Variants in SULF1 observed in about 807,000 individuals in gnomAD.
SULF1 encodes extracellular sulfatase Sulf-1.
Under a neutral mutation model 110.5 loss-of-function variants are expected in SULF1, and 46 were observed. The ratio of observed to expected loss-of-function variants is 0.42; its 90% CI spans 0.33 to 0.53. The LOEUF is 0.53. Ranked by LOEUF, SULF1 falls within the 20% of genes least tolerant of loss-of-function variation. SULF1 has a pLI of 0.12. For missense variants in SULF1, 941 were observed against 1,094.2 expected, an observed-to-expected ratio of 0.86 and a Z score of 1.98; for synonymous variants, 371 against 387.1, an observed-to-expected ratio of 0.96 and a Z score of 0.49.
intron 6 of SULF1, among the ~76,000 whole-genome samples, chr8:69,578,296 G>A (rs1052793810): frequency 6.6e-6 from 1 of 152,070 alleles, no homozygotes; most frequent in Admixed American, 6.5e-5. Flanking sequence ...ACACCCACAA[G>A]AATAAAGTGA....
At chr8:69,537,843 A>G (rs1379397037) in intron 3 of SULF1, among the ~76,000 whole-genome samples, 1 of 152,156 alleles carries the variant, frequency 6.6e-6, no homozygotes, top group East Asian at 1.9e-4. Context: ...CTGTCTTTTC[A>G]GGGCCCTTTT....
At chr8:69,473,916 T>C (rs1217360390) in intron 1 of SULF1, among the ~76,000 whole-genome samples, 1 of 152,210 alleles carries the variant, frequency 6.6e-6, no homozygotes, top group East Asian at 1.9e-4. Context: ...ATGCAACTTT[T>C]TCCACTTCAT....
At chr8:69,509,379 A>T (rs529121055) in intron 3 of SULF1, among the ~76,000 whole-genome samples, 2 of 152,374 alleles carry the variant, frequency 1.3e-5, no homozygotes, top group East Asian at 3.9e-4. Flanking sequence ...CTATGTATTC[A>T]GTGCATTAAA....
chr8:69,610,766 A>G (rs1808585476), intron 13 of SULF1, among the ~76,000 whole-genome samples: 1 of 152,228 alleles, frequency 6.6e-6, no homozygotes, highest in Admixed American at 6.5e-5. Context: ...CTTAATTTGT[A>G]CTGTGTCTTC....
At chr8:69,529,413 A>G (rs577457795) in intron 3 of SULF1, among the ~76,000 whole-genome samples, 1 of 152,284 alleles carries the variant, frequency 6.6e-6, no homozygotes, top group South Asian at 2.1e-4. Context: ...ACTGAATCGC[A>G]CCTTCAGTTG....
chr8:69,617,998 T>A (rs906160821), intron 13 of SULF1, among the ~76,000 whole-genome samples: 2 of 152,310 alleles, frequency 1.3e-5, no homozygotes, highest in Non-Finnish European at 2.9e-5. Flanking sequence ...GCCTTCCCCA[T>A]GGAATCCAGC....
chr8:69,657,484 T>G (rs1485187265), intron 22 of SULF1, among the ~76,000 whole-genome samples: 1 of 152,228 alleles, frequency 6.6e-6, no homozygotes, highest in Admixed American at 6.5e-5. Context: ...AAGATTGACG[T>G]TCTTTCCACC....
intron 3 of SULF1, among the ~76,000 whole-genome samples, chr8:69,508,922 G>A (rs1057051138): frequency 5.9e-5 from 9 of 152,080 alleles, no homozygotes; most frequent in African/African-American, 1.9e-4. Flanking sequence ...CTCTCTTCAT[G>A]GTAAGTAGCC....
intron 3 of SULF1, among the ~76,000 whole-genome samples, chr8:69,550,862 A>G (rs1002545299): frequency 6.6e-6 from 1 of 152,162 alleles, no homozygotes; most frequent in African/African-American, 2.4e-5. Context: ...CCCATGATTC[A>G]TGCCCCACTT....
At chr8:69,565,076 T>C (rs374324573) in intron 5 of SULF1, among the ~76,000 whole-genome samples, 4 of 152,230 alleles carry the variant, frequency 2.6e-5, no homozygotes, top group African/African-American at 9.6e-5. Flanking sequence ...TGGCACTTGG[T>C]CTCCATGGAA....
In SULF1 at chr8:69,516,022, C is replaced by T. The variant is rs1811897890; in HGVS notation, c.-134+14054C>T. On this transcript the variant is annotated intron_variant, in intron 3 of 22. Transcript: ENST00000402687. ...AAGTCTCCAGGAAGTTCCAAACTTT[C>T]ACTAATTTTCCTGTCTTCTTCTGAT... Among the ~76,000 whole-genome samples the T allele has an allele frequency of 3.9e-5, 6 of 152,192 alleles. No individual in the cohort carries two copies. In the South Asian group the frequency reaches 1.2e-3, roughly 32 times the overall value.
At chr8:69,534,270 T>C (rs1813290890) in intron 3 of SULF1, among the ~76,000 whole-genome samples, 3 of 152,244 alleles carry the variant, frequency 2.0e-5, no homozygotes, top group African/African-American at 7.2e-5. Flanking sequence ...CATTTACAAA[T>C]AATTTGTTTA....
intron 3 of SULF1, among the ~76,000 whole-genome samples, chr8:69,519,012 T>C (rs1435502650): frequency 6.6e-6 from 1 of 152,202 alleles, no homozygotes; most frequent in African/African-American, 2.4e-5. Context: ...GTCTAGAAAG[T>C]GTCTCTAGTG....
At chr8:69,585,164 T>TACAC (rs1586473799) in intron 6 of SULF1, among the ~76,000 whole-genome samples, 2 of 152,094 alleles carry the variant, frequency 1.3e-5, no homozygotes, top group African/African-American at 4.8e-5. Context: ...TGTGTGTGTG[T>TACAC]ACACACACAT....
rs115497021 is a variant in SULF1 at position 69,506,652 on chromosome 8, G to C, written c.-134+4684G>C. On this transcript the variant is annotated intron_variant, in intron 3 of 22. Coordinates refer to ENST00000402687, the MANE Select transcript of SULF1 (RefSeq NM_001128205.2). ...GTATGCTTCGGCTGCCAGTAAAATT[G>C]TGCTTTGCCTGATAATGGTGAGGAA... 4.7e-4 allele frequency among the ~76,000 whole-genome samples: 72 copies of C among 152,274 alleles called. 1 individual carries two copies. Among genetic ancestry groups the C allele is most frequent in the African/African-American group, 1.7e-3 (70 of 41,552 alleles).
intron 3 of SULF1, among the ~76,000 whole-genome samples, chr8:69,535,771 C>T (rs1385011737): frequency 6.6e-6 from 1 of 152,122 alleles, no homozygotes; most frequent in Non-Finnish European, 1.5e-5. Flanking sequence ...ATGGTTCACG[C>T]CTGTAATCCC....
At chr8:69,605,937 G>C (rs1808190188) in intron 13 of SULF1, among the ~76,000 whole-genome samples, 1 of 152,286 alleles carries the variant, frequency 6.6e-6, no homozygotes, top group South Asian at 2.1e-4. Context: ...CAGGCCACTT[G>C]CTGCCTTCCA....
chr8:69,589,667 A>ATT lies in SULF1; in HGVS notation c.734+538_734+539dup, dbSNP rs369746716. Among the ~76,000 whole-genome samples, 11 of 147,338 alleles carry ATT rather than the reference A, an allele frequency of 7.5e-5. 1 individual carries two copies. The South Asian group carries it at 1.3e-3, about 17-fold the overall frequency. ...CAGGTCACAGCTTTAAAATAACCTG[A>ATT]TTTTTTTTTTTTTAAAGAGGCAGGA... On this transcript the variant is annotated intron_variant, in intron 8 of 22. Transcript: ENST00000402687.
chr8:69,628,418 C>T (rs1303697868), intron 18 of SULF1, among the ~76,000 whole-genome samples, 182 bp downstream of exon 18: 1 of 152,196 alleles, frequency 6.6e-6, no homozygotes, highest in Non-Finnish European at 1.5e-5. Flanking sequence ...GGGACCGTGG[C>T]AATGCTCTTG....
Sources: allele counts gnomAD v4.1 joint callset (sites outside exome capture counted in the v4.1 genomes callset), GRCh38; gene constraint gnomAD v4.1.1; transcripts MANE v1.5; gene names NCBI Gene and HGNC (gene_info 2026-07-23, HGNC 2026-07-21).